Variants in GPC6 observed in about 807,000 individuals in gnomAD.
GPC6 encodes the protein glypican 6.
GPC6 carries 14 observed loss-of-function variants against 55.2 expected under a neutral mutation model. The ratio of observed to expected loss-of-function variants is 0.25; its 90% CI spans 0.17 to 0.40. The LOEUF (loss-of-function observed/expected upper bound fraction) is 0.40. GPC6 is among the 10% of genes least tolerant of loss of function. The pLI is 1.00. For missense variants in GPC6, 641 were observed against 708.5 expected, an observed-to-expected ratio of 0.90 and a Z score of 1.08; for synonymous variants, 278 against 259.6, an observed-to-expected ratio of 1.07 and a Z score of -0.68.
chr13:93,966,002 A>G (rs1221813946), intron 3 of GPC6, among the ~76,000 whole-genome samples: 3 of 152,114 alleles, frequency 2.0e-5, no homozygotes, highest in Non-Finnish European at 1.5e-5. Context: ...TGCCATGACC[A>G]CAGGCCAGTT....
chr13:93,997,579 A>ATGTGTG (rs1331542079), intron 3 of GPC6, among the ~76,000 whole-genome samples: 2 of 47,278 alleles, frequency 4.2e-5, no homozygotes, highest in Non-Finnish European at 8.7e-5. Context: ...AAAAGACATA[A>ATGTGTG]TATGTGTGTG....
intron 2 of GPC6, among the ~76,000 whole-genome samples, chr13:93,546,726 T>C (rs969751187): frequency 2.6e-5 from 4 of 152,208 alleles, no homozygotes; most frequent in African/African-American, 9.6e-5. Context: ...GATAGGACTC[T>C]GTGTTTGGAG....
intron 4 of GPC6, among the ~76,000 whole-genome samples, chr13:94,085,778 A>G (rs61962292): frequency 1.1e-5 from 1 of 88,496 alleles, no homozygotes; most frequent in African/African-American, 4.0e-5. Context: ...TCTTTAACGT[A>G]TGTCTGAAAA....
intron 4 of GPC6, among the ~76,000 whole-genome samples, chr13:94,148,058 T>C (rs1887621506): frequency 6.6e-6 from 1 of 152,168 alleles, no homozygotes; most frequent in South Asian, 2.1e-4. Context: ...TGTGTATATA[T>C]ATTGCCAGCT....
intron 1 of GPC6, among the ~76,000 whole-genome samples, chr13:93,307,895 A>G (rs1878913243): frequency 6.6e-6 from 1 of 152,204 alleles, no homozygotes; most frequent in South Asian, 2.1e-4. Flanking sequence ...AGCTAGATTT[A>G]GTCATTTTAC....
chr13:93,860,571 T>C (rs150738509), intron 3 of GPC6, among the ~76,000 whole-genome samples: 1 of 151,794 alleles, frequency 6.6e-6, no homozygotes, highest in African/African-American at 2.4e-5. Context: ...TTGAAATTTC[T>C]GTGCAGAATG....
At position 93,830,520 on chromosome 13, in the gene GPC6, G is replaced by C. The variant is rs748202641; in HGVS notation, c.686G>C (p.Arg229Thr). 6.2e-7 allele frequency: 1 copy of C among 1,606,934 alleles called. No individual in the cohort carries two copies. The highest frequency in any genetic ancestry group is 8.5e-7 in the Non-Finnish European group (1 of 1,176,834). Residue 229 changes from arginine (R) to threonine (T), a missense_variant, in exon 3 of 9, where the codon AGA (arginine) becomes ACA (threonine). Physicochemically the swap from Arg to Thr is moderately conservative, Grantham distance 71. Coordinates refer to ENST00000377047, the MANE Select transcript of GPC6 (RefSeq NM_005708.5). ...RTFVQGLTVGREVANRVSKVS... is the reference protein window; with the variant it reads ...RTFVQGLTVGTEVANRVSKVS... ...TTTGTCCAGGGGCTGACTGTGGGCAGAGAAGTTGCAAACCGAGTTTCCAAG... is the reference window on the plus strand; with the variant it reads ...TTTGTCCAGGGGCTGACTGTGGGCACAGAAGTTGCAAACCGAGTTTCCAAG...
chr13:93,849,672 C>T (rs943357330), intron 3 of GPC6, among the ~76,000 whole-genome samples: 6 of 152,044 alleles, frequency 3.9e-5, no homozygotes, highest in African/African-American at 1.4e-4. Flanking sequence ...CAGATTTTCC[C>T]TTCTTGCCTT....
intron 6 of GPC6, among the ~76,000 whole-genome samples, chr13:94,340,970 T>C (rs1404618756): frequency 1.3e-5 from 2 of 152,228 alleles, no homozygotes. Context: ...TGGAAGGCAA[T>C]AGGAAAGAAA....
intron 2 of GPC6, among the ~76,000 whole-genome samples, chr13:93,800,162 G>A (rs1886325499): frequency 1.3e-5 from 2 of 152,296 alleles, no homozygotes; most frequent in South Asian, 4.1e-4. Flanking sequence ...TTACTCAAGA[G>A]TACATAACAA....
At chr13:93,612,657 T>G (rs1878533246) in intron 2 of GPC6, among the ~76,000 whole-genome samples, 1 of 152,022 alleles carries the variant, frequency 6.6e-6, no homozygotes, top group African/African-American at 2.4e-5. Context: ...CTTCTCCAAA[T>G]AGGGAGTAAA....
At chr13:94,044,270 G>A (rs1368610748) in intron 4 of GPC6, among the ~76,000 whole-genome samples, 2 of 151,782 alleles carry the variant, frequency 1.3e-5, no homozygotes, top group Admixed American at 6.6e-5. Flanking sequence ...TACAAGAAGG[G>A]TAGCATACTG....
intron 2 of GPC6, among the ~76,000 whole-genome samples, chr13:93,813,405 T>C (rs1020799480): frequency 3.3e-5 from 5 of 152,064 alleles, no homozygotes; most frequent in African/African-American, 1.2e-4. Context: ...GTGAGAGAAC[T>C]TTGCATAACT....
intron 2 of GPC6, among the ~76,000 whole-genome samples, chr13:93,788,714 C>T (rs902472848): frequency 6.6e-6 from 1 of 151,972 alleles, no homozygotes; most frequent in South Asian, 2.1e-4. Flanking sequence ...AGGCTGAGGG[C>T]ATGGTAAGCA....
At chr13:94,171,701 G>A (rs1399168371) in intron 4 of GPC6, among the ~76,000 whole-genome samples, 1 of 152,150 alleles carries the variant, frequency 6.6e-6, no homozygotes, top group Non-Finnish European at 1.5e-5. Context: ...ACCAGCTTGA[G>A]TTTCTTGAGG....
At chr13:93,974,789 A>AAACTATTATTAGAC (rs1361292840) in intron 3 of GPC6, among the ~76,000 whole-genome samples, 2 of 152,126 alleles carry the variant, frequency 1.3e-5, no homozygotes, top group African/African-American at 4.8e-5. Context: ...TTTGGAATCG[A>AAACTATTATTAGAC]AACTATTATT....
chr13:94,158,222 T>G (rs1429266844), intron 4 of GPC6, among the ~76,000 whole-genome samples: 1 of 152,186 alleles, frequency 6.6e-6, no homozygotes, highest in Non-Finnish European at 1.5e-5. Flanking sequence ...GCCTTTTCAG[T>G]GCTACAATTG....
intron 3 of GPC6, among the ~76,000 whole-genome samples, chr13:93,833,129 G>T: frequency 7.0e-6 from 1 of 143,052 alleles, no homozygotes; most frequent in African/African-American, 2.5e-5. Flanking sequence ...GAGAGAGAGA[G>T]AGAGAGAGAG....
At chr13:93,655,839 GCA>G (rs1880638819) in intron 2 of GPC6, among the ~76,000 whole-genome samples, 1 of 152,160 alleles carries the variant, frequency 6.6e-6, no homozygotes. Flanking sequence ...TCGTTTTACA[GCA>G]CAGTTTTCAC....
Sources: gnomAD v4.1 joint callset for allele counts (sites outside exome capture counted in the v4.1 genomes callset) on GRCh38, gnomAD v4.1.1 for gene constraint, MANE v1.5 for transcripts, NCBI Gene and HGNC (gene_info 2026-07-23, HGNC 2026-07-21) for gene names.